The following KATNA1 variants were observed in gnomAD, a reference collection of about 807,000 sequenced individuals.
The protein encoded by KATNA1 is katanin p60 ATPase-containing subunit A1.
KATNA1 carries 42 observed loss-of-function variants against 62.6 expected under a neutral mutation model. That is an observed-to-expected ratio of 0.67 (90% CI 0.52 to 0.87). The LOEUF is 0.87. KATNA1 is among the 40% of genes least tolerant of loss of function. The pLI is 0.00. For synonymous variants in KATNA1, 186 were observed against 201.9 expected (o/e 0.92, Z 0.67); for missense variants, 498 against 612.5 (o/e 0.81, Z 1.97).
intron 1 of KATNA1, among the ~76,000 whole-genome samples, chr6:149,645,849 T>C (rs1379811609): frequency 6.6e-6 from 1 of 152,146 alleles, no homozygotes; most frequent in East Asian, 1.9e-4. Flanking sequence ...TAGTATGTGA[T>C]GCAGTGCTGT....
chr6:149,647,856 A>C (rs1051873708), intron 1 of KATNA1, among the ~76,000 whole-genome samples: 1 of 152,182 alleles, frequency 6.6e-6, no homozygotes, highest in African/African-American at 2.4e-5. Context: ...TTTTTGATTA[A>C]ATAAGAGCTT....
In KATNA1 at chr6:149,622,195, C is replaced by T. The variant is rs1038510946; in HGVS notation, c.501+908G>A. On this transcript the variant is annotated intron_variant, in intron 4 of 10. Coordinates refer to ENST00000367411, the MANE Select transcript of KATNA1 (RefSeq NM_007044.4). Reference sequence around the variant, plus strand: ...TCGCCCAGGCTGGAGTGCGGTGGCGCGGTCTCGGCTCACTGCAAGCTCCGC... The same window carrying T: ...TCGCCCAGGCTGGAGTGCGGTGGCGTGGTCTCGGCTCACTGCAAGCTCCGC... Among the ~76,000 whole-genome samples, 10 of 150,858 alleles carry T rather than the reference C, an allele frequency of 6.6e-5. No individual in the cohort carries two copies. In the East Asian group the frequency reaches 1.6e-3, roughly 24 times the overall value.
intron 1 of KATNA1, among the ~76,000 whole-genome samples, chr6:149,645,125 G>T (rs1780433160): frequency 6.6e-6 from 1 of 152,078 alleles, no homozygotes; most frequent in Non-Finnish European, 1.5e-5. Flanking sequence ...ACAATATCTG[G>T]CAATATTTGA....
intron 4 of KATNA1, among the ~76,000 whole-genome samples, chr6:149,621,037 T>C (rs901268597): frequency 6.6e-6 from 1 of 152,112 alleles, no homozygotes; most frequent in African/African-American, 2.4e-5. Context: ...AATGGTAAGT[T>C]TATTGTGGAG....
At chr6:149,622,258 G>A (rs1156513697) in intron 4 of KATNA1, among the ~76,000 whole-genome samples, 2 of 151,740 alleles carry the variant, frequency 1.3e-5, no homozygotes, top group Non-Finnish European at 2.9e-5. Flanking sequence ...TCAGCCTCCT[G>A]AGTAGCTGGG....
At position 149,623,224 on chromosome 6, in the gene KATNA1, C is replaced by A. The variant is rs201942843; in HGVS notation, c.380G>T (p.Gly127Val). Reference protein sequence around the residue: ...SSQYSDPKSHGNRPSTTVRVH... With the variant: ...SSQYSDPKSHVNRPSTTVRVH... ...TCTGACAGTTGTACTTGGACGATTA[C>A]CATGTGATTTAGGGTCACTGTACTG... is the stretch of plus-strand genomic sequence containing the variant. Residue 127 changes from glycine to valine, a missense_variant, in exon 4 of 11, where the codon GGT becomes GTT. By Grantham distance (109) the Gly-to-Val change is moderately radical (BLOSUM62 -3). Around this residue, in one of 3 missense-constraint regions of KATNA1, gnomAD observed 203 missense variants for 198.4 expected, o/e 1.02. Transcript: ENST00000367411. The A allele has an allele frequency of 6.2e-7, 1 of 1,613,656 alleles. No homozygotes were observed. Among genetic ancestry groups the A allele is most frequent in the Admixed American group, 1.7e-5 (1 of 59,904 alleles).
At chr6:149,643,019 G>A (rs1246407483) in intron 1 of KATNA1, among the ~76,000 whole-genome samples, 1 of 152,126 alleles carries the variant, frequency 6.6e-6, no homozygotes, top group Non-Finnish European at 1.5e-5. Flanking sequence ...TACCATTTCC[G>A]AGATTAGACT....
At chr6:149,623,463 G>A (rs778265934) in intron 3 of KATNA1, among the ~76,000 whole-genome samples, 180 bp from the exon 4 acceptor site, 1 of 152,092 alleles carries the variant, frequency 6.6e-6, no homozygotes, top group Non-Finnish European at 1.5e-5. Context: ...TGGGCAAGGC[G>A]CGGTGGCTCA....
At chr6:149,611,948 C>G (rs1439442013) in intron 4 of KATNA1, among the ~76,000 whole-genome samples, 1 of 151,674 alleles carries the variant, frequency 6.6e-6, no homozygotes, top group Admixed American at 6.6e-5. Flanking sequence ...TGCAGTGAGC[C>G]AAGATCATGC....
chr6:149,628,540 G>A (rs1035956995), intron 3 of KATNA1, among the ~76,000 whole-genome samples: 2 of 151,862 alleles, frequency 1.3e-5, no homozygotes, highest in Admixed American at 1.3e-4. Flanking sequence ...AATGACTCTC[G>A]GCCGGGAGCA....
intron 4 of KATNA1, among the ~76,000 whole-genome samples, chr6:149,613,785 A>G (rs1009743559): frequency 6.6e-6 from 1 of 152,192 alleles, no homozygotes; most frequent in Non-Finnish European, 1.5e-5. Flanking sequence ...TGTCCCTCCA[A>G]AAGCAAGGTG....
At chr6:149,634,290 T>TAA (rs1250503072) in intron 2 of KATNA1, among the ~76,000 whole-genome samples, 1 of 148,742 alleles carries the variant, frequency 6.7e-6, no homozygotes, top group Non-Finnish European at 1.5e-5. Flanking sequence ...TAAAATAAAA[T>TAA]AAAATAAAAT....
At chr6:149,597,477 G>A (rs1778369991) in intron 9 of KATNA1, 30 bp downstream of exon 9, 1 of 1,606,808 alleles carries the variant, frequency 6.2e-7, no homozygotes, top group Non-Finnish European at 8.5e-7. Flanking sequence ...AAAGTTAACA[G>A]GCTTTCTGAC....
At chr6:149,606,482 A>G (rs1465403449) in intron 4 of KATNA1, among the ~76,000 whole-genome samples, 1 of 152,162 alleles carries the variant, frequency 6.6e-6, no homozygotes, top group Non-Finnish European at 1.5e-5. Flanking sequence ...TAATGCCATT[A>G]TTAATGTCCA....
chr6:149,621,504 T>A (rs1387340901), intron 4 of KATNA1, among the ~76,000 whole-genome samples: 3 of 151,552 alleles, frequency 2.0e-5, no homozygotes, highest in African/African-American at 7.3e-5. Context: ...TAATTTTTTT[T>A]TTTTTTGAGA....
At chr6:149,606,619 T>G (rs1283857561) in intron 4 of KATNA1, among the ~76,000 whole-genome samples, 1 of 150,464 alleles carries the variant, frequency 6.6e-6, no homozygotes, top group East Asian at 1.9e-4. Flanking sequence ...TGTGTAACTT[T>G]TTTTTTTTTT....
intron 3 of KATNA1, 108 bp downstream of exon 3, chr6:149,632,651 G>A: frequency 3.3e-6 from 3 of 902,252 alleles, no homozygotes; most frequent in Middle Eastern, 6.7e-4. Flanking sequence ...GTTCAGTAAA[G>A]AAAACTCCCT....
At position 149,598,938 on chromosome 6, in the gene KATNA1, C is replaced by T. The variant is rs147448846; in HGVS notation, c.889-588G>A. Among the ~76,000 whole-genome samples the T allele has an allele frequency of 2.6e-5, 4 of 152,028 alleles. No homozygotes were observed. The East Asian group carries it at 7.8e-4, about 29-fold the overall frequency. On this transcript the variant is annotated intron_variant, in intron 7 of 10. Transcript: ENST00000367411. ...GGAGTGCAGTGATATGATTTTGGCTCACTTCAACCTTGAGCTCCTGGGCTC... is the reference window on the plus strand; with the variant it reads ...GGAGTGCAGTGATATGATTTTGGCTTACTTCAACCTTGAGCTCCTGGGCTC...
In KATNA1 at chr6:149,641,232, G is replaced by A. The variant is rs185244656; in HGVS notation, c.-13-2672C>T. ...CACTCTGTCACCCAGGCTGGAGTGC[G>A]GTGGCATGTTCTCGGCTCACTGCAA... On this transcript the variant is annotated intron_variant, in intron 1 of 10. Transcript: ENST00000367411. Among the ~76,000 whole-genome samples, 836 of 147,824 alleles carry A rather than the reference G, an allele frequency of 5.7e-3. 11 individuals are homozygous for A. The highest frequency in any genetic ancestry group is 5.5e-3 in the Non-Finnish European group (371 of 67,054).
Sources: gnomAD v4.1 joint callset for allele counts (sites outside exome capture counted in the v4.1 genomes callset) on GRCh38, gnomAD v4.1.1 for gene constraint, gnomAD v4.1.1 regional missense constraint, MANE v1.5 for transcripts, NCBI Gene and HGNC (gene_info 2026-07-23, HGNC 2026-07-21) for gene names.